The following LOC400499 variants were observed in gnomAD, a reference collection of about 807,000 sequenced individuals.
chr16:11,519,863 G>A, the LOC400499 span, among the ~76,000 whole-genome samples: 17 of 151,952 alleles, frequency 1.1e-4, no homozygotes, highest in Non-Finnish European at 2.4e-4. Context: ...GCACCACCAC[G>A]CCCACCTAAT....
chr16:11,501,044 C>A, the LOC400499 span: 1,152 of 398,164 alleles, frequency 2.9e-3, 10 homozygotes, highest in African/African-American at 0.021. Context: ...CGGGGGTAAA[C>A]TGAGGCTCAG....
chr16:11,413,044 C>T, the LOC400499 span: 2 of 397,706 alleles, frequency 5.0e-6, no homozygotes, highest in Non-Finnish European at 8.9e-6. Context: ...GCTCTATAGC[C>T]CAGCACGTCC....
chr16:11,376,046 C>T, the LOC400499 span, among the ~76,000 whole-genome samples: 1 of 152,144 alleles, frequency 6.6e-6, no homozygotes, highest in Non-Finnish European at 1.5e-5. Context: ...GCCCTTTGTA[C>T]ATTGTTGAAC....
chr16:11,474,225 G>A, the LOC400499 span, among the ~76,000 whole-genome samples: 1 of 152,176 alleles, frequency 6.6e-6, no homozygotes, highest in Non-Finnish European at 1.5e-5. Context: ...TGCTGTTGTG[G>A]GACAAAGTGG....
the LOC400499 span, chr16:11,448,895 T>G: frequency 1.4e-6 from 2 of 1,438,174 alleles, no homozygotes. Context: ...GTCTCTTGGC[T>G]GCACGGGCCT....
the LOC400499 span, among the ~76,000 whole-genome samples, chr16:11,506,252 T>C: frequency 0.01 from 1,561 of 152,124 alleles, 35 homozygotes; most frequent in African/African-American, 0.036. Context: ...CTTGAACTCC[T>C]GACCTCAGGT....
the LOC400499 span, among the ~76,000 whole-genome samples, chr16:11,393,164 C>CCTTT: frequency 0.018 from 2,093 of 114,990 alleles, 47 homozygotes; most frequent in Middle Eastern, 0.075. Context: ...ACCCCCCCCC[C>CCTTT]TTTTTTTTAA....
the LOC400499 span, chr16:11,470,830 G>C: frequency 6.6e-6 from 1 of 152,604 alleles, no homozygotes; most frequent in African/African-American, 2.4e-5. Flanking sequence ...CCTCTGAGGG[G>C]TCCCACTGAA....
chr16:11,396,632 A>G, the LOC400499 span: 3 of 1,232,078 alleles, frequency 2.4e-6, no homozygotes, highest in Non-Finnish European at 3.0e-6. Flanking sequence ...ACGCAGCAGG[A>G]GTCCACCCTG....
At chr16:11,411,855 CTTTTTT>C in the LOC400499 span, among the ~76,000 whole-genome samples, 3,942 of 144,298 alleles carry the variant, frequency 0.027, 201 homozygotes, top group African/African-American at 0.095. Context: ...TTCTCTTTTT[CTTTTTT>C]TTTTTTTCCT....
the LOC400499 span, among the ~76,000 whole-genome samples, chr16:11,406,393 C>G: frequency 6.6e-6 from 1 of 152,176 alleles, no homozygotes; most frequent in Non-Finnish European, 1.5e-5. Context: ...ACCACAGTCT[C>G]TTTACCTGCC....
chr16:11,458,673 GA>G, the LOC400499 span, among the ~76,000 whole-genome samples: 12 of 152,252 alleles, frequency 7.9e-5, no homozygotes, highest in African/African-American at 2.9e-4. Flanking sequence ...AAGTTCTGGA[GA>G]TAAGTAGTGG....
At chr16:11,493,502 T>C in the LOC400499 span, 3 of 388,538 alleles carry the variant, frequency 7.7e-6, no homozygotes, top group Non-Finnish European at 1.4e-5. Flanking sequence ...CCTGGATACC[T>C]GTTCACACTA....
the LOC400499 span, among the ~76,000 whole-genome samples, chr16:11,378,929 C>T: frequency 2.6e-5 from 4 of 152,180 alleles, no homozygotes; most frequent in Non-Finnish European, 5.9e-5. Context: ...TACTTTGTTT[C>T]CTTCTTGATC....
chr16:11,424,406 AC>A, the LOC400499 span: 3 of 399,024 alleles, frequency 7.5e-6, no homozygotes, highest in Non-Finnish European at 1.3e-5. Flanking sequence ...ACCCCAGTCC[AC>A]CGCATTTAGT....
chr16:11,455,917 T>C, the LOC400499 span, among the ~76,000 whole-genome samples: 3 of 151,980 alleles, frequency 2.0e-5, no homozygotes, highest in East Asian at 3.9e-4. Flanking sequence ...GAGAGCATAA[T>C]ACAATGAGCC....
chr16:11,456,550 G>A, the LOC400499 span, among the ~76,000 whole-genome samples: 1 of 152,192 alleles, frequency 6.6e-6, no homozygotes, highest in Non-Finnish European at 1.5e-5. Context: ...AAGTTACGAT[G>A]TAATTATAAG....
chr16:11,450,507 C>T, the LOC400499 span: 2 of 1,154,390 alleles, frequency 1.7e-6, no homozygotes, highest in Middle Eastern at 2.9e-4. Flanking sequence ...CACCTGTGAG[C>T]TGCTATCTGC....
chr16:11,497,020 C>G, the LOC400499 span, among the ~76,000 whole-genome samples: 1 of 151,906 alleles, frequency 6.6e-6, no homozygotes, highest in African/African-American at 2.4e-5. Context: ...GAGCCTGCAA[C>G]AGTGTGTGTA....
Sources: gnomAD v4.1 joint callset for allele counts (sites outside exome capture counted in the v4.1 genomes callset) on GRCh38, gnomAD v4.1.1 for gene constraint, MANE v1.5 for transcripts.